FAT3: variants seen among roughly 807,000 people sequenced by gnomAD.
The protein encoded by FAT3 is FAT atypical cadherin 3.
A neutral mutation model predicts 310.2 loss-of-function variants in FAT3; 95 were observed. The observed-to-expected ratio is 0.31, with a 90% confidence interval of 0.26 to 0.36. The LOEUF is 0.36. FAT3 is among the 10% of genes least tolerant of loss of function. The probability of loss-of-function intolerance (pLI) is 1.00; values close to 1 mark genes in which losing one functional copy is unlikely to be tolerated. For missense variants in FAT3, 5,408 were observed against 5,715.6 expected, an observed-to-expected ratio of 0.95 and a Z score of 1.74; for synonymous variants, 2,314 against 2,192.9, an observed-to-expected ratio of 1.06 and a Z score of -1.54.
chr11:92,649,113 G>T (rs376851820), intron 3 of FAT3, among the ~76,000 whole-genome samples: 1 of 152,190 alleles, frequency 6.6e-6, no homozygotes, highest in Non-Finnish European at 1.5e-5. Context: ...GTCGGGGCAC[G>T]TGAAGAAACA....
In FAT3 at chr11:92,835,030, C is replaced by T. The variant is rs374591402; in HGVS notation, c.10032C>T (p.Asp3344=). Residue 3344 remains aspartate, a synonymous_variant, in exon 15 of 28, where the codon GAC becomes GAT. Transcript: ENST00000525166. ...VNDNPPKFSQ[D]VYSAVISEDA... is the part of the protein sequence containing the mutation. ...ACAACCCTCCCAAGTTCAGCCAAGA[C>T]GTCTACAGTGCGGTTATCAGTGAAG... 181 of 1,613,706 alleles carry T rather than the reference C, an allele frequency of 1.1e-4. No homozygotes were observed. In the African/African-American group the frequency reaches 2.1e-3, roughly 19 times the overall value.
At chr11:92,439,849 G>C (rs181273728) in intron 2 of FAT3, among the ~76,000 whole-genome samples, 1 of 152,022 alleles carries the variant, frequency 6.6e-6, no homozygotes. Flanking sequence ...TCAGGATGTC[G>C]AGGCTGCTGT....
intron 4 of FAT3, among the ~76,000 whole-genome samples, chr11:92,729,107 G>C (rs1322983249): frequency 2.0e-5 from 3 of 152,146 alleles, no homozygotes; most frequent in African/African-American, 7.2e-5. Context: ...AAGGTAGGGT[G>C]ATTTGTTCTA....
intron 3 of FAT3, among the ~76,000 whole-genome samples, chr11:92,564,303 A>G (rs1955349812): frequency 1.3e-5 from 2 of 151,348 alleles, no homozygotes; most frequent in South Asian, 2.1e-4. Flanking sequence ...CCATTACATA[A>G]TGGTAAAGGG....
At chr11:92,709,007 G>A (rs1565530264) in intron 4 of FAT3, among the ~76,000 whole-genome samples, 2 of 152,180 alleles carry the variant, frequency 1.3e-5, no homozygotes, top group African/African-American at 4.8e-5. Flanking sequence ...GTATCCAATA[G>A]GTAGACCGAG....
rs1942003735 is a variant in FAT3, at chr11:92,642,626, G to A, written c.3608-54758G>A. On this transcript the variant is annotated intron_variant, in intron 3 of 27. Transcript: ENST00000525166. ...TTAATTTCCATCATTAAACAAGGCA[G>A]ATAGTGATGCATTACTGCCCATTTG... Among the ~76,000 whole-genome samples the A allele has an allele frequency of 2.0e-5, 3 of 152,338 alleles. No individual in the cohort carries two copies. The South Asian group carries it at 6.2e-4, about 32-fold the overall frequency.
intron 1 of FAT3, among the ~76,000 whole-genome samples, chr11:92,266,060 ATTAC>A (rs1225787823): frequency 6.6e-6 from 1 of 152,126 alleles, no homozygotes; most frequent in African/African-American, 2.4e-5. Context: ...GGCTTCAATA[ATTAC>A]TTTTTATTAT....
Position 92,451,045 on chromosome 11 carries a change from T to C in FAT3, c.3293-73589T>C, listed in dbSNP as rs117353761. Among the ~76,000 whole-genome samples the C allele has an allele frequency of 5.3e-3, 811 of 152,248 alleles. 5 individuals are homozygous for C. Among genetic ancestry groups the C allele is most frequent in the East Asian group, 0.013 (68 of 5,178 alleles). On this transcript the variant is annotated intron_variant, in intron 2 of 27. Coordinates refer to ENST00000525166, the MANE Select transcript of FAT3 (RefSeq NM_001367949.2). ...ATTAGACAAGGTGATTCTTTTTTTT[T>C]CCCCTCTTTTCCTCTTTGCTGAACC...
At chr11:92,282,231 G>A (rs1337743835) in intron 1 of FAT3, among the ~76,000 whole-genome samples, 1 of 152,072 alleles carries the variant, frequency 6.6e-6, no homozygotes, top group African/African-American at 2.4e-5. Context: ...CCTTCCTGAT[G>A]TCCCTAGTCT....
At chr11:92,521,973 C>G (rs1953700822) in intron 2 of FAT3, among the ~76,000 whole-genome samples, 1 of 152,096 alleles carries the variant, frequency 6.6e-6, no homozygotes, top group Admixed American at 6.5e-5. Context: ...GATCTGTGTT[C>G]TCCAAAGGAC....
intron 2 of FAT3, among the ~76,000 whole-genome samples, chr11:92,375,890 T>C (rs1182671234): frequency 6.6e-6 from 1 of 152,194 alleles, no homozygotes; most frequent in Non-Finnish European, 1.5e-5. Flanking sequence ...TGAAAGCACA[T>C]TTTCTTTTAT....
At chr11:92,258,745 G>A (rs1020216303) in intron 1 of FAT3, among the ~76,000 whole-genome samples, 8 of 152,024 alleles carry the variant, frequency 5.3e-5, no homozygotes, top group East Asian at 1.9e-4. Context: ...GAGGCAGGCC[G>A]TGTACACAAG....
chr11:92,708,343 T>C (rs191704885), intron 4 of FAT3, among the ~76,000 whole-genome samples: 1 of 152,374 alleles, frequency 6.6e-6, no homozygotes, highest in East Asian at 1.9e-4. Flanking sequence ...TTTACATTTA[T>C]ATCAAACTAA....
chr11:92,692,843 T>C (rs1283505422), intron 3 of FAT3, among the ~76,000 whole-genome samples: 1 of 152,212 alleles, frequency 6.6e-6, no homozygotes, highest in Non-Finnish European at 1.5e-5. Context: ...TGGAGAATTA[T>C]GCTGAAACAG....
chr11:92,365,807 C>T (rs1265840693), intron 2 of FAT3, among the ~76,000 whole-genome samples: 3 of 152,176 alleles, frequency 2.0e-5, no homozygotes, highest in Admixed American at 2.0e-4. Context: ...CCTCATAGGT[C>T]AAGGAGCTTA....
At chr11:92,606,087 T>G (rs1023311120) in intron 3 of FAT3, among the ~76,000 whole-genome samples, 1 of 152,180 alleles carries the variant, frequency 6.6e-6, no homozygotes, top group Non-Finnish European at 1.5e-5. Flanking sequence ...GTGTCAACAA[T>G]TGGTGAGTGA....
intron 3 of FAT3, among the ~76,000 whole-genome samples, chr11:92,613,940 A>G (rs756056019): frequency 1.4e-4 from 21 of 152,016 alleles, no homozygotes; most frequent in East Asian, 3.9e-4. Flanking sequence ...CCATATGTCT[A>G]TTTTCTGTCT....
Position 92,563,498 on chromosome 11 carries a change from A to C in FAT3, c.3607+38550A>C, listed in dbSNP as rs117132642. ...TATTGTAATTACTACTAACAGTAAT[A>C]AAAATTATCAGTGTTCTTTAAGTTT... is the stretch of plus-strand genomic sequence containing the variant. On this transcript the variant is annotated intron_variant, in intron 3 of 27. Transcript: ENST00000525166. Among the ~76,000 whole-genome samples, 1,182 of 152,312 alleles carry C rather than the reference A, an allele frequency of 7.8e-3. 10 individuals carry two copies. Among genetic ancestry groups the C allele is most frequent in the Non-Finnish European group, 0.012 (825 of 68,026 alleles).
intron 3 of FAT3, among the ~76,000 whole-genome samples, chr11:92,666,218 G>T (rs1942944152): frequency 6.6e-6 from 1 of 152,192 alleles, no homozygotes; most frequent in Non-Finnish European, 1.5e-5. Context: ...CATCAAGCTT[G>T]AGAGGAGTCA....
Sources: allele counts gnomAD v4.1 joint callset (sites outside exome capture counted in the v4.1 genomes callset), GRCh38; gene constraint gnomAD v4.1.1; transcripts MANE v1.5; gene names NCBI Gene and HGNC (gene_info 2026-07-23, HGNC 2026-07-21).